JAK1: variants seen among roughly 807,000 people sequenced by gnomAD.
The protein encoded by JAK1 is Janus kinase 1.
Under a neutral mutation model 136.6 loss-of-function variants are expected in JAK1, and 16 were observed. The observed-to-expected ratio is 0.12, with a 90% CI of 0.08 to 0.18. The LOEUF (loss-of-function observed/expected upper bound fraction) is 0.18. Among genes scored for constraint, JAK1 ranks in the 10% least tolerant of loss-of-function variants. The pLI, the probability that JAK1 is intolerant of heterozygous loss-of-function variation, is 1.00. For synonymous variants in JAK1, 492 were observed against 519.5 expected, an observed-to-expected ratio of 0.95 and a Z score of 0.72; for missense variants, 859 against 1,450.1, an observed-to-expected ratio of 0.59 and a Z score of 6.62.
chr1:64,838,664 T>C, intron 20 of JAK1, 75 bp from the exon 21 acceptor site: 1 of 1,512,288 alleles, frequency 6.6e-7, no homozygotes, highest in South Asian at 1.2e-5. Context: ...GCACAGGATA[T>C]GAGACAGAGG....
chr1:64,999,718 G>C (rs887608210), intron 2 of JAK1, among the ~76,000 whole-genome samples: 5 of 147,032 alleles, frequency 3.4e-5, no homozygotes, highest in South Asian at 2.1e-4. Flanking sequence ...CTGGGCAACA[G>C]AGTGAGACCC....
chr1:64,896,148 C>T (rs1429102162), intron 1 of JAK1, among the ~76,000 whole-genome samples: 2 of 152,212 alleles, frequency 1.3e-5, no homozygotes, highest in Admixed American at 6.5e-5. Context: ...AAGATAAATG[C>T]TCCTTTTCCC....
chr1:65,017,813 C>T (rs1381003121), intron 2 of JAK1, among the ~76,000 whole-genome samples: 1 of 151,464 alleles, frequency 6.6e-6, no homozygotes, highest in Non-Finnish European at 1.5e-5. Context: ...TAATTGTGAA[C>T]TCTGCCTTTT....
intron 2 of JAK1, among the ~76,000 whole-genome samples, chr1:65,013,791 C>A (rs1002232631): frequency 1.3e-5 from 2 of 151,974 alleles, no homozygotes; most frequent in East Asian, 3.9e-4. Flanking sequence ...ATAAGCATCA[C>A]GTATGAGAGC....
intron 11 of JAK1, among the ~76,000 whole-genome samples, chr1:64,853,935 C>A (rs1461685318): frequency 2.0e-5 from 3 of 152,224 alleles, no homozygotes; most frequent in Non-Finnish European, 2.9e-5. Context: ...GGAGCCTCAA[C>A]TGGGGTTCGT....
rs1177804220 is a variant in JAK1 at position 64,841,543 on chromosome 1, G to T, written c.2462C>A (p.Ala821Asp). ...RPVTPSCKEL[A>D]DLMTRCMNYD... is the part of the protein sequence containing the mutation. ...GTTCATGCAGCGGGTCATGAGGTCAGCCAGCTCCTTACATGATGGTGTCAC... is the reference window on the plus strand; with the variant it reads ...GTTCATGCAGCGGGTCATGAGGTCATCCAGCTCCTTACATGATGGTGTCAC... The change falls in exon 18 of 25, where the codon GCT becomes GAT. Residue 821 changes from alanine (A) to aspartate (D), a missense_variant. Transcript: ENST00000342505. 6.2e-7 allele frequency: 1 copy of T among 1,614,060 alleles called. No homozygotes were observed. Among genetic ancestry groups the T allele is most frequent in the Admixed American group, 1.7e-5 (1 of 60,002 alleles).
At chr1:64,945,819 C>A (rs559163974) in intron 1 of JAK1, among the ~76,000 whole-genome samples, 11 of 152,016 alleles carry the variant, frequency 7.2e-5, no homozygotes, top group African/African-American at 2.7e-4. Flanking sequence ...ACCTCCACCT[C>A]CAGGGTTCAA....
intron 5 of JAK1, among the ~76,000 whole-genome samples, chr1:64,870,337 T>C (rs543132222): frequency 1.1e-4 from 16 of 152,320 alleles, no homozygotes; most frequent in African/African-American, 3.8e-4. Context: ...GAACTAATTA[T>C]GGGCTAGATG....
chr1:65,017,438 A>T (rs1646900173), intron 2 of JAK1, among the ~76,000 whole-genome samples: 1 of 152,230 alleles, frequency 6.6e-6, no homozygotes. Context: ...ACTGCACTCC[A>T]GCCTGGGCAA....
intron 1 of JAK1, chr1:65,066,682 G>T (rs946073135): frequency 2.0e-5 from 3 of 152,564 alleles, no homozygotes; most frequent in African/African-American, 7.3e-5. Flanking sequence ...GCGCCGCGCG[G>T]GGCTCGCCCT....
At chr1:64,864,707 T>C in intron 8 of JAK1, 80 bp downstream of exon 8, 5 of 1,144,530 alleles carry the variant, frequency 4.4e-6, no homozygotes, top group South Asian at 2.9e-5. Flanking sequence ...ACTCTGAAAA[T>C]CATGTGCTGC....
intron 1 of JAK1, among the ~76,000 whole-genome samples, chr1:64,912,669 C>T (rs745704106): frequency 6.6e-6 from 1 of 152,204 alleles, no homozygotes; most frequent in Non-Finnish European, 1.5e-5. Context: ...CCCCATTTTA[C>T]ATTCCGGGAG....
intron 1 of JAK1, among the ~76,000 whole-genome samples, chr1:64,893,835 A>G (rs1276333472): frequency 6.6e-6 from 1 of 152,220 alleles, no homozygotes; most frequent in African/African-American, 2.4e-5. Flanking sequence ...TCTCCTGCTG[A>G]TAAGTCATCT....
intron 1 of JAK1, among the ~76,000 whole-genome samples, chr1:64,960,300 T>C (rs566205600): frequency 6.6e-6 from 1 of 152,194 alleles, no homozygotes; most frequent in Non-Finnish European, 1.5e-5. Flanking sequence ...ATCTTAAGCA[T>C]AGTCATTCAA....
In JAK1 at chr1:64,984,232, C is replaced by G. The variant is rs780673441; in HGVS notation, c.-78+60248G>C. On this transcript the variant is annotated intron_variant, in intron 2 of 25. Coordinates refer to the JAK1 transcript ENST00000671954. The surrounding 1 kb of genome is among the most constrained non-coding windows in gnomAD (Gnocchi z 4.1). ...TACATAAACCCTGTCTGCCTTCCCA[C>G]AGTGTGTGTGTATCTGCTTCCTGGT... 2.4e-4 allele frequency among the ~76,000 whole-genome samples: 37 copies of G among 152,162 alleles called. No homozygotes were observed. Among genetic ancestry groups the G allele is most frequent in the Non-Finnish European group, 4.8e-4 (33 of 68,042 alleles).
chr1:64,948,359 C>T (rs17127173), intron 1 of JAK1, among the ~76,000 whole-genome samples: 2,049 of 152,276 alleles, frequency 0.013, 45 homozygotes, highest in African/African-American at 0.047. Flanking sequence ...AGCTATCATG[C>T]TAGGTATTAA....
chr1:64,902,592 G>GTGTGTGTGTGTGTA (rs1325628630), intron 1 of JAK1, among the ~76,000 whole-genome samples: 1 of 151,060 alleles, frequency 6.6e-6, no homozygotes, highest in African/African-American at 2.4e-5. Flanking sequence ...GAGTGTGTGT[G>GTGTGTGTGTGTGTA]TGTGTGTGTG....
At chr1:64,935,824 T>C (rs1472808742) in intron 1 of JAK1, among the ~76,000 whole-genome samples, 1 of 151,992 alleles carries the variant, frequency 6.6e-6, no homozygotes, top group African/African-American at 2.4e-5. Context: ...CCATATTGAG[T>C]CTTTACAATT....
chr1:64,995,010 T>A (rs910518709), intron 2 of JAK1: 1 of 151,554 alleles, frequency 6.6e-6, no homozygotes, highest in Non-Finnish European at 1.5e-5. Context: ...GGATTGTACC[T>A]TGAATCTATA....
Sources: gnomAD v4.1 joint callset for allele counts (sites outside exome capture counted in the v4.1 genomes callset) on GRCh38, gnomAD v4.1.1 for gene constraint, Gnocchi (gnomAD v3.1) non-coding constraint, MANE v1.5 for transcripts, NCBI Gene and HGNC (gene_info 2026-07-23, HGNC 2026-07-21) for gene names.